SPAST: variants seen among roughly 807,000 people sequenced by gnomAD.
SPAST encodes spastic paraplegia 4 (autosomal dominant; spastin).
In SPAST, 30 loss-of-function variants were observed where a neutral mutation model predicts 76.6. The observed-to-expected ratio is 0.39, with a 90% CI of 0.29 to 0.53. The LOEUF (loss-of-function observed/expected upper bound fraction) is 0.53, where lower values mean the gene tolerates loss of function less well. SPAST is among the 20% of genes least tolerant of loss of function. The probability of loss-of-function intolerance (pLI) is 0.68; values close to 1 mark genes in which losing one functional copy is unlikely to be tolerated. For missense variants in SPAST, 717 were observed against 770.5 expected (o/e 0.93, Z 0.82); for synonymous variants, 305 against 281.0 (o/e 1.09, Z -0.86).
chr2:32,110,913 GTGTGTATAGAGTATATATA>G (rs1678565671), intron 4 of SPAST, among the ~76,000 whole-genome samples: 1 of 61,868 alleles, frequency 1.6e-5, no homozygotes, highest in African/African-American at 6.3e-5. Context: ...ATACTATATC[GTGTGTATAGAGTATATATA>G]CAGTATACTA....
At chr2:32,094,256 T>C (rs1020166830) in intron 3 of SPAST, among the ~76,000 whole-genome samples, 1 of 152,168 alleles carries the variant, frequency 6.6e-6, no homozygotes, top group Non-Finnish European at 1.5e-5. Context: ...TCTTGCCTTA[T>C]CACCCAGGCC....
chr2:32,071,946 A>C (rs577096561), intron 1 of SPAST, among the ~76,000 whole-genome samples: 108 of 152,368 alleles, frequency 7.1e-4, no homozygotes, highest in African/African-American at 2.4e-3. Flanking sequence ...GATTCTCTAC[A>C]GAACGTAAAT....
chr2:32,138,113 A>G (rs1021682294), intron 12 of SPAST, among the ~76,000 whole-genome samples: 2 of 152,224 alleles, frequency 1.3e-5, no homozygotes, highest in Non-Finnish European at 2.9e-5. Flanking sequence ...TGAATAGTAC[A>G]GCAATAAACA....
At chr2:32,142,216 A>G (rs1055322621) in intron 13 of SPAST, among the ~76,000 whole-genome samples, 1 of 152,220 alleles carries the variant, frequency 6.6e-6, no homozygotes, top group Non-Finnish European at 1.5e-5. Flanking sequence ...CAAATGATCT[A>G]AAATGTTTAT....
intron 1 of SPAST, among the ~76,000 whole-genome samples, chr2:32,080,716 A>C (rs922825003): frequency 6.7e-6 from 1 of 149,796 alleles, no homozygotes; most frequent in Admixed American, 6.7e-5. Context: ...TAGTTTGCCA[A>C]CCCCTACATT....
chr2:32,136,022 G>A (rs1679524315), intron 9 of SPAST, among the ~76,000 whole-genome samples: 1 of 150,242 alleles, frequency 6.7e-6, no homozygotes, highest in African/African-American at 2.5e-5. Flanking sequence ...AAGTCACAGT[G>A]AGCCGAGATT....
intron 9 of SPAST, among the ~76,000 whole-genome samples, chr2:32,135,278 T>C (rs1024432993): frequency 7.3e-5 from 11 of 151,176 alleles, no homozygotes; most frequent in African/African-American, 1.5e-4. Context: ...TACAGGCGCC[T>C]GCCACCACGC....
At chr2:32,125,557 A>G (rs960311974) in intron 7 of SPAST, among the ~76,000 whole-genome samples, 12 of 151,876 alleles carry the variant, frequency 7.9e-5, no homozygotes, top group African/African-American at 2.4e-4. Context: ...TAGCCATTTC[A>G]TATGATTCAA....
chr2:32,120,855 T>C (rs1678994342), intron 7 of SPAST, among the ~76,000 whole-genome samples: 1 of 152,206 alleles, frequency 6.6e-6, no homozygotes. Flanking sequence ...TGCTGTAGTT[T>C]TGAAAATATC....
At position 32,144,252 on chromosome 2, in the gene SPAST, T is replaced by C. The variant is rs114754349; in HGVS notation, c.1617-685T>C. 6.8e-3 allele frequency among the ~76,000 whole-genome samples: 1,041 copies of C among 152,302 alleles called. 14 individuals are homozygous for C. Among genetic ancestry groups the C allele is most frequent in the African/African-American group, 0.023 (974 of 41,580 alleles). On this transcript the variant is annotated intron_variant, in intron 14 of 16. Coordinates refer to ENST00000315285, the MANE Select transcript of SPAST (RefSeq NM_014946.4). ...ATCCCCTTATTTAAAAAAATGTACA[T>C]TGATTGTCCCTTATCCCATCAAGAG...
In SPAST at chr2:32,115,737, TACCCC is replaced by T. The variant is rs1678804422; in HGVS notation, c.907_911del (p.Thr303TyrfsTer6). Reference sequence around the variant, plus strand: ...AAACAAATAGGACAAATAAACCTTCTACCCCTACAACTGCTACTCGTAAGAAAAAA... The same window carrying T: ...AAACAAATAGGACAAATAAACCTTCTTACAACTGCTACTCGTAAGAAAAAA... On this transcript the variant is annotated frameshift_variant, in exon 6 of 17. Coordinates refer to ENST00000315285, the MANE Select transcript of SPAST (RefSeq NM_014946.4). LOFTEE classifies it high-confidence loss of function. The T allele has an allele frequency of 1.2e-6, 2 of 1,611,432 alleles. No homozygotes were observed. Among genetic ancestry groups the T allele is most frequent in the East Asian group, 4.5e-5 (2 of 44,708 alleles).
At chr2:32,116,044 A>T in intron 6 of SPAST, 75 bp from the exon 7 acceptor site, 1 of 1,135,504 alleles carries the variant, frequency 8.8e-7, no homozygotes, top group Non-Finnish European at 1.3e-6. Flanking sequence ...ACTATATGTC[A>T]TAGGGCTTAG....
intron 4 of SPAST, among the ~76,000 whole-genome samples, chr2:32,112,605 G>A (rs1255627380): frequency 6.6e-6 from 1 of 151,678 alleles, no homozygotes; most frequent in African/African-American, 2.4e-5. Context: ...CTTGGCCTCC[G>A]AAAGTTCTGG....
In SPAST at chr2:32,115,846, C is replaced by A; in HGVS notation, c.1004+11C>A. The A allele has an allele frequency of 6.3e-7, 1 of 1,597,846 alleles. No homozygotes were observed. On this transcript the variant is annotated intron_variant, in intron 6 of 16. Coordinates refer to ENST00000315285, the MANE Select transcript of SPAST (RefSeq NM_014946.4). The stretch of plus-strand genomic sequence containing the variant: ...TGAAATTGTGGACAAGTAAGTTTTG[C>A]CATCTAAATGTTTTATTTTATAGTT...
chr2:32,123,313 T>A (rs2148741242), intron 7 of SPAST, among the ~76,000 whole-genome samples: 1 of 151,912 alleles, frequency 6.6e-6, no homozygotes, highest in East Asian at 1.9e-4. Context: ...ATGAAATATG[T>A]GTAGTTCTAA....
chr2:32,084,231 G>A (rs991147725), intron 1 of SPAST, among the ~76,000 whole-genome samples: 1 of 151,574 alleles, frequency 6.6e-6, no homozygotes, highest in Non-Finnish European at 1.5e-5. Flanking sequence ...GCGTGCAGTG[G>A]CTCACTGCAA....
chr2:32,085,271 A>G (rs141114104), intron 1 of SPAST, among the ~76,000 whole-genome samples: 17 of 149,352 alleles, frequency 1.1e-4, no homozygotes, highest in Middle Eastern at 3.5e-3. Context: ...CAATGGTACA[A>G]TCTGGTACAA....
chr2:32,120,066 C>T (rs1250659173), intron 7 of SPAST, among the ~76,000 whole-genome samples: 5 of 151,462 alleles, frequency 3.3e-5, no homozygotes, highest in Admixed American at 2.6e-4. Flanking sequence ...CTGTGTTCTC[C>T]AGCGTGGCCT....
Position 32,135,581 on chromosome 2 carries a change from AATGGCCTTTGT to A in SPAST, c.1246-977_1246-967del, listed in dbSNP as rs570401666. Among the ~76,000 whole-genome samples the A allele has an allele frequency of 2.6e-5, 4 of 152,216 alleles. No individual in the cohort carries two copies. The East Asian group carries it at 7.7e-4, about 29-fold the overall frequency. ...CATGACTCATTACTTTGGTGTATAA[AATGGCCTTTGT>A]ATGGTGTCAGCACCTGGGAATGTCT... On this transcript the variant is annotated intron_variant, in intron 9 of 16. Transcript: ENST00000315285.
Sources: allele counts gnomAD v4.1 joint callset (sites outside exome capture counted in the v4.1 genomes callset), GRCh38; gene constraint gnomAD v4.1.1; transcripts MANE v1.5; gene names NCBI Gene and HGNC (gene_info 2026-07-23, HGNC 2026-07-21).